Variants in XK observed in about 807,000 individuals in gnomAD.
XK encodes the protein X-linked Kx blood group antigen, Kell and VPS13A binding protein.
Under a neutral mutation model 14.0 loss-of-function variants are expected in XK, and 2 were observed. That is an observed-to-expected ratio of 0.14 (90% confidence interval 0.06 to 0.45). XK has a LOEUF of 0.45. Ranked by LOEUF, XK falls within the 20% of genes least tolerant of loss-of-function variation. The pLI is 0.98. For missense variants in XK, 235 were observed against 341.5 expected (o/e 0.69, Z 2.46); for synonymous variants, 149 against 147.5 (o/e 1.01, Z -0.08).
At chrX:37,696,696 A>G (rs1927313294) in intron 2 of XK, among the ~76,000 whole-genome samples, 1 of 112,302 alleles carries the variant, frequency 8.9e-6, no homozygotes, top group South Asian at 3.7e-4. Context: ...CTAACTGTAA[A>G]GTTAACCTAG....
In XK at chrX:37,731,530, T is replaced by C. The variant is rs1346615137; in HGVS notation, c.*3068T>C. 1 of 112,595 alleles carries C rather than the reference T, an allele frequency of 8.9e-6. No homozygotes were observed. The highest frequency in any genetic ancestry group is 1.9e-5 in the Non-Finnish European group (1 of 53,284). 9.3% of individuals were successfully genotyped at this position (112,595 alleles called of 1,213,427 possible). A position where few individuals can be genotyped will look rare whatever the true frequency, so the allele number is the denominator to read the frequency against. ...ATGTGAAAATGCTTTGAAAATGTTT[T>C]TAAGTGCTATGCATATTTATAGAGT... On this transcript the variant is annotated 3_prime_UTR_variant, in exon 3 of 3. Coordinates refer to ENST00000378616, the MANE Select transcript of XK (RefSeq NM_021083.4).
intron 2 of XK, among the ~76,000 whole-genome samples, chrX:37,706,199 A>G (rs1299538294): frequency 2.7e-5 from 3 of 111,570 alleles, no homozygotes; most frequent in African/African-American, 9.8e-5. Context: ...AAATTGCTAG[A>G]AGATTTGAGA....
chrX:37,720,712 A>G (rs1490201376), intron 2 of XK, among the ~76,000 whole-genome samples: 1 of 110,812 alleles, frequency 9.0e-6, no homozygotes, highest in Non-Finnish European at 1.9e-5. Flanking sequence ...TCCAGTGTCT[A>G]TCATTTCACA....
At chrX:37,725,565 C>G (rs1556449839) in intron 2 of XK, among the ~76,000 whole-genome samples, 1 of 111,072 alleles carries the variant, frequency 9.0e-6, no homozygotes, top group Non-Finnish European at 1.9e-5. Flanking sequence ...TGCTCTTACC[C>G]TGCGATCCAG....
chrX:37,697,616 G>T (rs1927327598), intron 2 of XK, among the ~76,000 whole-genome samples: 1 of 112,195 alleles, frequency 8.9e-6, no homozygotes, highest in South Asian at 3.7e-4. Flanking sequence ...AGGGAGAGAA[G>T]GGAGAGCCAG....
chrX:37,718,775 A>G (rs988075029), intron 2 of XK, among the ~76,000 whole-genome samples: 28 of 111,701 alleles, frequency 2.5e-4, no homozygotes, highest in Admixed American at 2.4e-3. Context: ...ATCTCATTGT[A>G]GTTTGAATTT....
chrX:37,700,985 T>C (rs1379802548), intron 2 of XK, among the ~76,000 whole-genome samples: 1 of 111,710 alleles, frequency 9.0e-6, no homozygotes, highest in Non-Finnish European at 1.9e-5. Context: ...CCCTGCCTCA[T>C]TCCAAAAGAG....
At chrX:37,696,890 G>A (rs1269985160) in intron 2 of XK, among the ~76,000 whole-genome samples, 3 of 111,746 alleles carry the variant, frequency 2.7e-5, no homozygotes, top group Admixed American at 9.5e-5. Context: ...AGGAAGGGTA[G>A]ATATATTTCT....
chrX:37,716,662 A>G (rs1364381138), intron 2 of XK, among the ~76,000 whole-genome samples: 2 of 111,949 alleles, frequency 1.8e-5, no homozygotes, highest in Non-Finnish European at 3.8e-5. Context: ...GAGAAACTCT[A>G]TCTTGGGATT....
chrX:37,707,811 G>A (rs1220094752), intron 2 of XK, among the ~76,000 whole-genome samples: 4 of 112,557 alleles, frequency 3.6e-5, no homozygotes, highest in South Asian at 3.6e-4. Flanking sequence ...GGTGGCAGCC[G>A]GGCAGAGGCT....
chrX:37,686,111 C>G lies in XK; in HGVS notation c.150C>G (p.Leu50=), dbSNP rs28940593. Residue 50 remains leucine (L), a synonymous_variant, in exon 1 of 3, where the codon CTC becomes CTG. Transcript: ENST00000378616. ...TLLFSLLPCA[L]VQLTLLFVHR... is the part of the protein sequence containing the mutation. ...TTTTCTCGCTACTGCCTTGCGCGCT[C>G]GTGCAGCTCACGCTTCTCTTCGTAC... is the stretch of plus-strand genomic sequence containing the variant. The G allele has an allele frequency of 8.3e-7, 1 of 1,211,466 alleles. No individual in the cohort carries two copies. The highest frequency in any genetic ancestry group is 1.1e-6 in the Non-Finnish European group (1 of 895,396).
intron 2 of XK, among the ~76,000 whole-genome samples, chrX:37,704,494 A>C (rs1236471323): frequency 3.6e-5 from 4 of 111,035 alleles, no homozygotes; most frequent in African/African-American, 9.9e-5. Context: ...CTACGATTGC[A>C]CCACTGCACT....
intron 2 of XK, among the ~76,000 whole-genome samples, chrX:37,707,382 G>A (rs1311814775): frequency 2.8e-5 from 3 of 108,717 alleles, no homozygotes; most frequent in African/African-American, 6.7e-5. Flanking sequence ...GGGTGGCTGC[G>A]GGTGGAGGGG....
Position 37,727,816 on chromosome X carries a change from C to T in XK, c.689C>T (p.Thr230Ile). Residue 230 changes from threonine (T) to isoleucine (I), a missense_variant, in exon 3 of 3, where the codon ACC (threonine) becomes ATC (isoleucine). Thr to Ile is a moderately conservative substitution (Grantham distance 89). Coordinates refer to ENST00000378616, the MANE Select transcript of XK (RefSeq NM_021083.4). ...CGAGTTGTAGTCCTGGTCCTCTTTA[C>T]CTCCGTCCTGAAGACCTGGGTGGTG... is the stretch of plus-strand genomic sequence containing the variant. The part of the protein sequence containing the change: ...ATRVVVLVLF[T>I]SVLKTWVVVI... 8.3e-7 allele frequency: 1 copy of T among 1,211,136 alleles called. No individual in the cohort carries two copies. Among genetic ancestry groups the T allele is most frequent in the Non-Finnish European group, 1.1e-6 (1 of 895,335 alleles).
At chrX:37,707,256 G>A in intron 2 of XK, among the ~76,000 whole-genome samples, 1 of 108,283 alleles carries the variant, frequency 9.2e-6, no homozygotes, top group Non-Finnish European at 1.9e-5. Context: ...TGGCCGGGCG[G>A]GGGCTGACCC....
rs1928031064 is a variant in XK, at chrX:37,728,783, G to T, written c.*321G>T. ...ACTGGTTAGATTCATTAGGTTGAAT[G>T]AGGAGAGGGGCTTACCTGTTCTCTA... On this transcript the variant is annotated 3_prime_UTR_variant, in exon 3 of 3. Transcript: ENST00000378616. 3.9e-6 allele frequency: 1 copy of T among 256,417 alleles called. No individual in the cohort carries two copies. The highest frequency in any genetic ancestry group is 5.5e-5 in the Admixed American group (1 of 18,121). 21.1% of individuals were successfully genotyped at this position (256,417 alleles called of 1,213,427 possible). A position where few individuals can be genotyped will look rare whatever the true frequency, so the allele number is the denominator to read the frequency against.
At chrX:37,714,197 A>C (rs1484570269) in intron 2 of XK, among the ~76,000 whole-genome samples, 1 of 111,689 alleles carries the variant, frequency 9.0e-6, no homozygotes, top group African/African-American at 3.3e-5. Flanking sequence ...TGTAGAAACC[A>C]CTTATTCAGT....
Position 37,729,197 on chromosome X carries a change from G to C in XK, c.*735G>C, listed in dbSNP as rs1361093820. ...TGTTGATGAAATTCTGGATCAGGAGGGGTGTTAAAACATCAAAATGATGGC... is the reference window on the plus strand; with the variant it reads ...TGTTGATGAAATTCTGGATCAGGAGCGGTGTTAAAACATCAAAATGATGGC... On this transcript the variant is annotated 3_prime_UTR_variant, in exon 3 of 3. Transcript: ENST00000378616. The C allele has an allele frequency of 1.8e-5, 2 of 110,923 alleles. No individual in the cohort carries two copies. The highest frequency in any genetic ancestry group is 3.8e-5 in the Non-Finnish European group (2 of 52,900). 9.1% of individuals were successfully genotyped at this position (110,923 alleles called of 1,213,427 possible).
At chrX:37,705,358 A>G (rs891232889) in intron 2 of XK, among the ~76,000 whole-genome samples, 5 of 110,078 alleles carry the variant, frequency 4.5e-5, no homozygotes, top group Admixed American at 9.6e-5. Flanking sequence ...AGGCTGAGGC[A>G]GGAGAATGGC....
Sources: gnomAD v4.1 joint callset for allele counts (sites outside exome capture counted in the v4.1 genomes callset) on GRCh38, gnomAD v4.1.1 for gene constraint, MANE v1.5 for transcripts, NCBI Gene and HGNC (gene_info 2026-07-23, HGNC 2026-07-21) for gene names.